The following PSMA8 variants were observed in gnomAD, a reference collection of about 807,000 sequenced individuals.
PSMA8 encodes proteasome 20S subunit alpha 8, also known as proteasome subunit alpha-type 8.
Under a neutral mutation model 32.4 loss-of-function variants are expected in PSMA8, and 18 were observed. That is an observed-to-expected ratio of 0.56 (90% CI 0.38 to 0.82). The LOEUF (loss-of-function observed/expected upper bound fraction) is 0.82, where lower values mean the gene tolerates loss of function less well. Ranked by LOEUF, PSMA8 falls within the 40% of genes least tolerant of loss-of-function variation. The probability of loss-of-function intolerance (pLI) is 0.00; values close to 1 mark genes in which losing one functional copy is unlikely to be tolerated. For synonymous variants in PSMA8, 104 were observed against 98.1 expected, an observed-to-expected ratio of 1.06 and a Z score of -0.36; for missense variants, 298 against 300.7, an observed-to-expected ratio of 0.99 and a Z score of 0.07.
In PSMA8 at chr18:26,192,542, T is replaced by C; in HGVS notation, c.*131T>C. 9.2e-7 allele frequency: 1 copy of C among 1,088,418 alleles called. No individual in the cohort carries two copies. The highest frequency in any genetic ancestry group is 1.2e-6 in the Non-Finnish European group (1 of 819,392). 67.4% of individuals were successfully genotyped at this position (1,088,418 alleles called of 1,614,324 possible). A position where few individuals can be genotyped will look rare whatever the true frequency, so the allele number is the denominator to read the frequency against. ...CAGTACTTGTGTGATGTTTTGAGAA[T>C]GCCAGATCTGTGGCTGTCTTCATTC... On this transcript the variant is annotated 3_prime_UTR_variant, in exon 7 of 7. Coordinates refer to ENST00000415576, the MANE Select transcript of PSMA8 (RefSeq NM_001025096.2).
chr18:26,144,477 C>T, intron 1 of PSMA8, 82 bp from the exon 2 acceptor site: 2 of 1,170,014 alleles, frequency 1.7e-6, no homozygotes, highest in Non-Finnish European at 2.5e-6. Context: ...GAAGTCATTT[C>T]CCCTAAGTCA....
chr18:26,186,493 C>G (rs539477762), intron 6 of PSMA8, among the ~76,000 whole-genome samples: 2 of 151,962 alleles, frequency 1.3e-5, no homozygotes, highest in Admixed American at 6.6e-5. Context: ...ATGCCTCTAC[C>G]CCTTATTCTT....
chr18:26,151,802 T>G (rs927079584), intron 2 of PSMA8, 56 bp from the exon 3 acceptor site: 32 of 1,525,504 alleles, frequency 2.1e-5, no homozygotes, highest in Non-Finnish European at 2.8e-5. Flanking sequence ...CAAGGAAAAA[T>G]GTATTGTAAA....
rs2144306722 is a variant in PSMA8, at chr18:26,158,154, T to C, written c.387T>C (p.Phe129=). Residue 129 remains phenylalanine, a synonymous_variant, in exon 4 of 7, where the codon TTT becomes TTC. Transcript: ENST00000415576. ...KYTQSNGRRP[F]GISALIVGFD... is the part of the protein sequence containing the mutation. ...CCCAAAGCAATGGACGAAGACCTTT[T>C]GGTATTTCTGCCTTAATTGTAGGTT... 2 of 1,602,596 alleles carry C rather than the reference T, an allele frequency of 1.2e-6. No homozygotes were observed. Among genetic ancestry groups the C allele is most frequent in the Non-Finnish European group, 1.7e-6 (2 of 1,170,168 alleles).
intron 4 of PSMA8, among the ~76,000 whole-genome samples, chr18:26,164,262 G>A (rs1441111553): frequency 6.6e-6 from 1 of 152,106 alleles, no homozygotes; most frequent in Non-Finnish European, 1.5e-5. Context: ...ACATAGTGAG[G>A]CCTTGTCTCT....
chr18:26,175,346 G>A (rs1481275604), intron 4 of PSMA8, among the ~76,000 whole-genome samples: 1 of 152,160 alleles, frequency 6.6e-6, no homozygotes, highest in African/African-American at 2.4e-5. Flanking sequence ...TGAAGGGAAG[G>A]GATCAGGATG....
intron 2 of PSMA8, among the ~76,000 whole-genome samples, chr18:26,151,323 A>G (rs1391358014): frequency 6.6e-6 from 1 of 152,222 alleles, no homozygotes; most frequent in Non-Finnish European, 1.5e-5. Context: ...AATGTTTGCA[A>G]CCATTGCATC....
intron 4 of PSMA8, 136 bp from the exon 5 acceptor site, chr18:26,178,694 T>C (rs1598667820): frequency 4.0e-6 from 3 of 742,500 alleles, no homozygotes; most frequent in Admixed American, 6.1e-5. Context: ...TTTGCTATGT[T>C]TTCAAATCTG....
At chr18:26,178,773 A>C in intron 4 of PSMA8, 57 bp from the exon 5 acceptor site, 1 of 1,499,802 alleles carries the variant, frequency 6.7e-7, no homozygotes, top group Non-Finnish European at 9.1e-7. Context: ...TTTACTTAGT[A>C]ACCATAAATT....
At chr18:26,173,308 T>C (rs1197724154) in intron 4 of PSMA8, among the ~76,000 whole-genome samples, 7 of 152,172 alleles carry the variant, frequency 4.6e-5, no homozygotes, top group Non-Finnish European at 1.0e-4. Context: ...TTCTTCCTTA[T>C]TGTTTCCTCT....
chr18:26,187,010 C>T (rs1487670915), intron 6 of PSMA8, among the ~76,000 whole-genome samples: 2 of 152,142 alleles, frequency 1.3e-5, no homozygotes, highest in African/African-American at 2.4e-5. Context: ...AAAGGTAGAA[C>T]TTAAAACATT....
intron 3 of PSMA8, among the ~76,000 whole-genome samples, chr18:26,157,392 T>TA (rs760332641): frequency 0.12 from 16,602 of 142,612 alleles, 1,523 homozygotes; most frequent in African/African-American, 0.24. Context: ...CCCTGTCTCT[T>TA]AAAAAAAAAA....
chr18:26,134,174 T>G, intron 1 of PSMA8, 107 bp downstream of exon 1: 922 of 648,178 alleles, frequency 1.4e-3, no homozygotes, highest in East Asian at 3.6e-3. Flanking sequence ...AGAGAGGAGA[T>G]TCCCACACTT....
intron 4 of PSMA8, among the ~76,000 whole-genome samples, chr18:26,168,521 T>A (rs2055198184): frequency 8.1e-6 from 1 of 123,784 alleles, no homozygotes; most frequent in African/African-American, 4.3e-5. Context: ...ACTTTTGCTT[T>A]ATCTTCAATG....
Position 26,134,340 on chromosome 18 carries a change from GGT to G in PSMA8, c.102+296_102+297del, listed in dbSNP as rs563053283. On this transcript the variant is annotated intron_variant, in intron 1 of 6. Coordinates refer to ENST00000415576, the MANE Select transcript of PSMA8 (RefSeq NM_001025096.2). The stretch of plus-strand genomic sequence containing the variant: ...GACGCAAAACTAGGGTGTGTGTGTG[GGT>G]GTGTGTGTGTGTGTGTGTGTGTCTC... Among the ~76,000 whole-genome samples the G allele has an allele frequency of 9.0e-3, 1,211 of 135,082 alleles. 9 individuals are homozygous for G. Among genetic ancestry groups the G allele is most frequent in the Middle Eastern group, 0.019 (5 of 260 alleles). The allele number at this position is 135,082 out of a possible 152,430, so 88.6% of individuals were successfully genotyped here.
intron 1 of PSMA8, among the ~76,000 whole-genome samples, chr18:26,141,716 T>C (rs1212165009): frequency 1.9e-4 from 27 of 145,348 alleles, no homozygotes; most frequent in African/African-American, 6.0e-4. Context: ...CTTTTTTCTT[T>C]TTTTTTTTTT....
chr18:26,174,037 C>A (rs9962091), intron 4 of PSMA8, among the ~76,000 whole-genome samples: 8,509 of 152,008 alleles, frequency 0.056, 702 homozygotes, highest in African/African-American at 0.18. Context: ...ATTCTTACAG[C>A]TTTTTAAAAT....
intron 1 of PSMA8, among the ~76,000 whole-genome samples, chr18:26,138,388 G>C (rs2054928983): frequency 6.6e-6 from 1 of 152,168 alleles, no homozygotes; most frequent in African/African-American, 2.4e-5. Flanking sequence ...TGGGTCCAAG[G>C]TTCCTGGTGG....
chr18:26,153,310 T>G (rs2055061262), intron 3 of PSMA8, among the ~76,000 whole-genome samples: 1 of 152,114 alleles, frequency 6.6e-6, no homozygotes, highest in Admixed American at 6.5e-5. Context: ...TCCCACAGCT[T>G]TTGTTTTTAT....
Sources: gnomAD v4.1 joint callset for allele counts (sites outside exome capture counted in the v4.1 genomes callset) on GRCh38, gnomAD v4.1.1 for gene constraint, MANE v1.5 for transcripts, NCBI Gene and HGNC (gene_info 2026-07-23, HGNC 2026-07-21) for gene names.